LRBA: variants seen among roughly 807,000 people sequenced by gnomAD.
The protein encoded by LRBA is LPS responsive beige-like anchor protein.
Under a neutral mutation model 330.0 loss-of-function variants are expected in LRBA, and 176 were observed. The observed-to-expected ratio is 0.53, with a 90% CI of 0.47 to 0.60. The LOEUF (loss-of-function observed/expected upper bound fraction) is 0.60, where lower values mean the gene tolerates loss of function less well. Ranked by LOEUF, LRBA falls within the 20% of genes least tolerant of loss-of-function variation. The pLI is 0.00. For synonymous variants in LRBA, 1,230 were observed against 1,193.0 expected, an observed-to-expected ratio of 1.03 and a Z score of -0.64; for missense variants, 3,259 against 3,444.8, an observed-to-expected ratio of 0.95 and a Z score of 1.35.
rs76350041 is a variant in LRBA, at chr4:150,755,992, G to C, written c.5645+5791C>G. On this transcript the variant is annotated intron_variant, in intron 35 of 56. Transcript: ENST00000651943. ...GCCAGGGAGGTCGAGGCTGAAGTGAGATGAGATGGTGCCCCTGCACTCTAG... is the reference window on the plus strand; with the variant it reads ...GCCAGGGAGGTCGAGGCTGAAGTGACATGAGATGGTGCCCCTGCACTCTAG... Among the ~76,000 whole-genome samples the C allele has an allele frequency of 6.1e-3, 918 of 150,672 alleles. 14 individuals are homozygous for C. The highest frequency in any genetic ancestry group is 0.039 in the East Asian group (200 of 5,134).
Position 150,683,543 on chromosome 4 carries a change from C to G in LRBA, c.5921+8G>C. On this transcript the variant is annotated splice_region_variant and intron_variant, in intron 37 of 56. Coordinates refer to ENST00000651943, the MANE Select transcript of LRBA (RefSeq NM_001364905.1). Reference sequence around the variant, plus strand: ...ATCAGTGGCCAAATCCTAAAGGTATCCCTTTACCTCACTGCAGAATTTCCC... The same window carrying G: ...ATCAGTGGCCAAATCCTAAAGGTATGCCTTTACCTCACTGCAGAATTTCCC... 1 of 1,610,434 alleles carries G rather than the reference C, an allele frequency of 6.2e-7. No individual in the cohort carries two copies. The highest frequency in any genetic ancestry group is 8.5e-7 in the Non-Finnish European group (1 of 1,176,956).
At chr4:150,500,527 G>A (rs998655482) in intron 40 of LRBA, among the ~76,000 whole-genome samples, 1 of 152,116 alleles carries the variant, frequency 6.6e-6, no homozygotes, top group South Asian at 2.1e-4. Flanking sequence ...GCAGTGAGCT[G>A]AGATCGGACT....
At chr4:150,685,437 T>A (rs1425737793) in intron 36 of LRBA, among the ~76,000 whole-genome samples, 4 of 77,470 alleles carry the variant, frequency 5.2e-5, no homozygotes, top group African/African-American at 1.0e-4. Context: ...TTTTTTTTTT[T>A]TTTTTTTTTT....
At chr4:150,347,503 A>G (rs530995767) in intron 48 of LRBA, among the ~76,000 whole-genome samples, 3 of 152,132 alleles carry the variant, frequency 2.0e-5, no homozygotes, top group Admixed American at 2.0e-4. Context: ...AAAATTAGCC[A>G]GGCGTGGTGG....
intron 36 of LRBA, among the ~76,000 whole-genome samples, chr4:150,726,938 A>G (rs939106352): frequency 4.0e-5 from 6 of 151,074 alleles, no homozygotes; most frequent in African/African-American, 1.5e-4. Flanking sequence ...AGCTAGACAC[A>G]TCAAAATATC....
At chr4:150,822,214 T>A (rs1042958750) in intron 30 of LRBA, among the ~76,000 whole-genome samples, 1 of 152,212 alleles carries the variant, frequency 6.6e-6, no homozygotes, top group Non-Finnish European at 1.5e-5. Context: ...TCTGTTGTTT[T>A]CTATTTCAAT....
chr4:150,432,450 G>GTTTT (rs1235370407), intron 46 of LRBA, among the ~76,000 whole-genome samples: 14 of 70,842 alleles, frequency 2.0e-4, no homozygotes, highest in Non-Finnish European at 2.4e-4. Flanking sequence ...ATTTAAGTGT[G>GTTTT]TTCTTTTTTT....
At chr4:150,479,723 T>C (rs1346730416) in intron 42 of LRBA, among the ~76,000 whole-genome samples, 1 of 152,136 alleles carries the variant, frequency 6.6e-6, no homozygotes, top group Non-Finnish European at 1.5e-5. Flanking sequence ...GAGAAAGTAA[T>C]TTTTAAAAAT....
intron 37 of LRBA, among the ~76,000 whole-genome samples, chr4:150,675,192 CAAAACAAA>C (rs573742828): frequency 1.7e-4 from 26 of 151,676 alleles, no homozygotes; most frequent in South Asian, 6.2e-4. Flanking sequence ...GACCCTAGCT[CAAAACAAA>C]AAAACAAAAA....
chr4:150,367,553 C>T (rs1312324706), intron 47 of LRBA, among the ~76,000 whole-genome samples: 1 of 152,180 alleles, frequency 6.6e-6, no homozygotes, highest in Non-Finnish European at 1.5e-5. Context: ...CACAAGCTGC[C>T]CAGTAACAAC....
chr4:150,776,219 A>C (rs1210755025), intron 34 of LRBA, among the ~76,000 whole-genome samples: 1 of 152,172 alleles, frequency 6.6e-6, no homozygotes, highest in African/African-American at 2.4e-5. Context: ...AGGGAGGCTG[A>C]GGCAGGAGAA....
At chr4:150,421,975 T>C (rs774174484) in intron 46 of LRBA, among the ~76,000 whole-genome samples, 2 of 152,216 alleles carry the variant, frequency 1.3e-5, no homozygotes, top group Non-Finnish European at 2.9e-5. Flanking sequence ...ACACAGGAGC[T>C]GGCTGGGTGC....
chr4:150,444,152 C>T (rs1752279029), intron 44 of LRBA, among the ~76,000 whole-genome samples: 1 of 151,840 alleles, frequency 6.6e-6, no homozygotes, highest in African/African-American at 2.4e-5. Context: ...TTGGCAAATA[C>T]AGTTTTTTTA....
rs1401092501 is a variant in LRBA, at chr4:150,385,229, C to T, written c.7194+30209G>A. On this transcript the variant is annotated intron_variant, in intron 47 of 56. Transcript: ENST00000651943. ...ACTTTTTTCCCACATCACAGATCAT[C>T]TTGAATGAGCAGGCCTGCATAAAAA... 2.6e-5 allele frequency among the ~76,000 whole-genome samples: 4 copies of T among 152,048 alleles called. No individual in the cohort carries two copies. The East Asian group carries it at 7.7e-4, about 29-fold the overall frequency.
chr4:150,631,147 T>G (rs1013616446), intron 37 of LRBA, among the ~76,000 whole-genome samples: 8 of 152,042 alleles, frequency 5.3e-5, no homozygotes, highest in African/African-American at 1.9e-4. Flanking sequence ...CAACACTTGC[T>G]TTAAAGATTT....
intron 37 of LRBA, among the ~76,000 whole-genome samples, chr4:150,676,140 T>A (rs1782539308): frequency 6.6e-6 from 1 of 152,174 alleles, no homozygotes; most frequent in African/African-American, 2.4e-5. Flanking sequence ...TTATTCATTG[T>A]CACATAACCA....
At chr4:150,956,884 T>A (rs771428073) in intron 2 of LRBA, among the ~76,000 whole-genome samples, 2 of 149,262 alleles carry the variant, frequency 1.3e-5, no homozygotes, top group Non-Finnish European at 1.5e-5. Flanking sequence ...AGGGCATCTA[T>A]GAAAATCCCA....
intron 36 of LRBA, among the ~76,000 whole-genome samples, chr4:150,695,354 A>C (rs1035685361): frequency 1.3e-5 from 2 of 152,090 alleles, no homozygotes; most frequent in African/African-American, 2.4e-5. Flanking sequence ...TCAGAATCTC[A>C]CTCTGACACC....
At chr4:150,929,370 C>A (rs1734216858) in intron 2 of LRBA, among the ~76,000 whole-genome samples, 1 of 152,212 alleles carries the variant, frequency 6.6e-6, no homozygotes, top group South Asian at 2.1e-4. Flanking sequence ...AATTGCTTCT[C>A]ATCCAGTCTT....
Sources: allele counts gnomAD v4.1 joint callset (sites outside exome capture counted in the v4.1 genomes callset), GRCh38; gene constraint gnomAD v4.1.1; transcripts MANE v1.5; gene names NCBI Gene and HGNC (gene_info 2026-07-23, HGNC 2026-07-21).